JARID2: variants seen among roughly 807,000 people sequenced by gnomAD.
JARID2 encodes jumonji and AT-rich interaction domain containing 2, also known as protein Jumonji.
A neutral mutation model predicts 125.6 loss-of-function variants in JARID2; 21 were observed. The ratio of observed to expected loss-of-function variants is 0.17; its 90% CI spans 0.12 to 0.24. The LOEUF (loss-of-function observed/expected upper bound fraction) is 0.24, where lower values mean the gene tolerates loss of function less well. Among genes scored for constraint, JARID2 ranks in the 10% least tolerant of loss-of-function variants. The probability of loss-of-function intolerance (pLI) is 1.00; values close to 1 mark genes in which losing one functional copy is unlikely to be tolerated. For missense variants in JARID2, 1,303 were observed against 1,639.6 expected, an observed-to-expected ratio of 0.79 and a Z score of 3.55; for synonymous variants, 736 against 661.6, an observed-to-expected ratio of 1.11 and a Z score of -1.73.
intron 1 of JARID2, among the ~76,000 whole-genome samples, chr6:15,261,060 A>G (rs1759853123): frequency 1.3e-5 from 2 of 152,202 alleles, no homozygotes; most frequent in African/African-American, 4.8e-5. Context: ...AAGAACAGTC[A>G]GTTTACCAAG....
intron 1 of JARID2, among the ~76,000 whole-genome samples, chr6:15,312,363 T>A (rs986529907): frequency 1.3e-5 from 2 of 152,188 alleles, no homozygotes; most frequent in Non-Finnish European, 2.9e-5. Context: ...TCAGTTTGGA[T>A]TTTTAAAAAA....
At chr6:15,516,619 C>T (rs533296776) in intron 16 of JARID2, among the ~76,000 whole-genome samples, 19 of 152,288 alleles carry the variant, frequency 1.2e-4, no homozygotes, top group African/African-American at 2.9e-4. Context: ...GGTCGTTGGA[C>T]GCCGCTTGCT....
intron 3 of JARID2, among the ~76,000 whole-genome samples, chr6:15,416,559 G>A (rs557158516): frequency 3.3e-5 from 5 of 152,230 alleles, no homozygotes; most frequent in South Asian, 2.1e-4. Context: ...GTGGTGGCGC[G>A]CGCCTGCAAT....
At chr6:15,285,127 T>TTTG (rs11376453) in intron 1 of JARID2, among the ~76,000 whole-genome samples, 1 of 142,074 alleles carries the variant, frequency 7.0e-6, no homozygotes, top group African/African-American at 2.5e-5. Flanking sequence ...TTTTTTTTTT[T>TTTG]GAAAGGAAGT....
chr6:15,308,569 G>A (rs147843912), intron 1 of JARID2, among the ~76,000 whole-genome samples: 70 of 152,248 alleles, frequency 4.6e-4, no homozygotes, highest in African/African-American at 1.4e-3. Flanking sequence ...AAATAGTGAC[G>A]GTTGATCTAC....
At chr6:15,352,946 A>G (rs1403282151) in intron 1 of JARID2, among the ~76,000 whole-genome samples, 1 of 152,200 alleles carries the variant, frequency 6.6e-6, no homozygotes, top group East Asian at 1.9e-4. Context: ...TTATGCATTC[A>G]TGAGTTGATG....
intron 1 of JARID2, among the ~76,000 whole-genome samples, chr6:15,344,643 T>C (rs748336557): frequency 6.6e-6 from 1 of 152,184 alleles, no homozygotes; most frequent in African/African-American, 2.4e-5. Context: ...GACTATTTCT[T>C]ACCATGAGTA....
At chr6:15,339,783 C>T (rs532490788) in intron 1 of JARID2, among the ~76,000 whole-genome samples, 1 of 152,216 alleles carries the variant, frequency 6.6e-6, no homozygotes, top group African/African-American at 2.4e-5. Flanking sequence ...GATGTGCCCT[C>T]GTCGGCCTCC....
At chr6:15,517,300 G>T (rs368776617) in intron 17 of JARID2, 32 bp downstream of exon 17, 82 of 1,456,624 alleles carry the variant, frequency 5.6e-5, no homozygotes, top group Non-Finnish European at 3.9e-6. Flanking sequence ...AGGGCAGGGC[G>T]GCAGCGTGGC....
intron 5 of JARID2, among the ~76,000 whole-genome samples, chr6:15,484,200 T>C (rs907613833): frequency 4.8e-4 from 9 of 18,844 alleles, no homozygotes; most frequent in African/African-American, 2.3e-3. Context: ...TTTTCAGTGT[T>C]GTATTTCTTT....
intron 1 of JARID2, among the ~76,000 whole-genome samples, chr6:15,355,299 A>G (rs1213405218): frequency 6.6e-6 from 1 of 152,206 alleles, no homozygotes. Flanking sequence ...GATATTTTGG[A>G]TCACTAAGGC....
At chr6:15,340,010 A>C (rs1414000880) in intron 1 of JARID2, among the ~76,000 whole-genome samples, 1 of 151,470 alleles carries the variant, frequency 6.6e-6, no homozygotes. Flanking sequence ...CCCAGGCTGC[A>C]GTGCAGTGGT....
At chr6:15,386,717 T>G (rs1252791609) in intron 2 of JARID2, among the ~76,000 whole-genome samples, 1 of 152,258 alleles carries the variant, frequency 6.6e-6, no homozygotes, top group African/African-American at 2.4e-5. Context: ...GGGTTTATGA[T>G]GTTTGTCCAG....
At chr6:15,492,137 G>A (rs897207135) in intron 6 of JARID2, among the ~76,000 whole-genome samples, 3 of 151,704 alleles carry the variant, frequency 2.0e-5, no homozygotes, top group African/African-American at 4.9e-5. Context: ...AGGAGCACAC[G>A]CTGCAGACAC....
At chr6:15,364,722 C>G (rs182447033) in intron 1 of JARID2, among the ~76,000 whole-genome samples, 43 of 152,314 alleles carry the variant, frequency 2.8e-4, no homozygotes, top group African/African-American at 9.1e-4. Flanking sequence ...TGCACTATCA[C>G]GTAACACGCA....
intron 3 of JARID2, among the ~76,000 whole-genome samples, chr6:15,441,756 T>C (rs950277441): frequency 2.3e-4 from 35 of 152,292 alleles, no homozygotes; most frequent in Middle Eastern, 3.4e-3. Context: ...CTTAGAAGCA[T>C]TCCACTGGAT....
intron 1 of JARID2, among the ~76,000 whole-genome samples, chr6:15,284,511 CTTTT>C (rs11286654): frequency 2.1e-5 from 3 of 140,284 alleles, no homozygotes; most frequent in East Asian, 2.0e-4. Flanking sequence ...TTTTATAATC[CTTTT>C]TTTTTTTTTT....
At chr6:15,456,878 CTT>C (rs71535043) in intron 4 of JARID2, among the ~76,000 whole-genome samples, 2 of 95,672 alleles carry the variant, frequency 2.1e-5, no homozygotes, top group African/African-American at 4.1e-5. Flanking sequence ...GGATGTTAAG[CTT>C]TTTTTTTTTT....
rs116389709 is a variant in JARID2, at chr6:15,390,234, C to T, written c.181+15982C>T. On this transcript the variant is annotated intron_variant, in intron 2 of 17. Coordinates refer to ENST00000341776, the MANE Select transcript of JARID2 (RefSeq NM_004973.4). ...CCCAATGTGAGTGCGCCATGGAGCT[C>T]GAGAGGTTTCCATGCTCCTGAGCTG... Among the ~76,000 whole-genome samples the T allele has an allele frequency of 7.8e-3, 1,190 of 152,214 alleles. 17 individuals are homozygous for T. The highest frequency in any genetic ancestry group is 0.028 in the African/African-American group (1,143 of 41,508).
Sources: gnomAD v4.1 joint callset for allele counts (sites outside exome capture counted in the v4.1 genomes callset) on GRCh38, gnomAD v4.1.1 for gene constraint, MANE v1.5 for transcripts, NCBI Gene and HGNC (gene_info 2026-07-23, HGNC 2026-07-21) for gene names.